Variants in NKAIN3 observed in about 807,000 individuals in gnomAD.
The protein encoded by NKAIN3 is sodium/potassium transporting ATPase interacting 3.
In NKAIN3, 25 loss-of-function variants were observed where a neutral mutation model predicts 30.2. The observed-to-expected ratio is 0.83, with a 90% CI of 0.60 to 1.16. NKAIN3 has a LOEUF of 1.16. Among genes scored for constraint, NKAIN3 ranks in the 50% most tolerant of loss-of-function variants. The probability of loss-of-function intolerance (pLI) is 0.00; values close to 1 mark genes in which losing one functional copy is unlikely to be tolerated. For synonymous variants in NKAIN3, 91 were observed against 89.6 expected, an observed-to-expected ratio of 1.02 and a Z score of -0.09; for missense variants, 225 against 254.1, an observed-to-expected ratio of 0.89 and a Z score of 0.78.
chr8:62,446,342 T>G (rs908166569), intron 1 of NKAIN3, among the ~76,000 whole-genome samples: 4 of 152,134 alleles, frequency 2.6e-5, no homozygotes, highest in African/African-American at 9.6e-5. Context: ...GACATATGGC[T>G]GGTTTTTTTT....
At chr8:62,586,127 G>A (rs1810464802) in intron 2 of NKAIN3, among the ~76,000 whole-genome samples, 1 of 152,040 alleles carries the variant, frequency 6.6e-6, no homozygotes. Context: ...TAGTTATCTG[G>A]ACTTTTATGC....
chr8:62,934,931 A>G (rs1256700815), intron 5 of NKAIN3, among the ~76,000 whole-genome samples: 1 of 152,134 alleles, frequency 6.6e-6, no homozygotes, highest in East Asian at 1.9e-4. Context: ...CTGCCCATGG[A>G]CTATTCAGCA....
At chr8:62,830,995 C>T (rs1268593465) in intron 4 of NKAIN3, among the ~76,000 whole-genome samples, 3 of 152,116 alleles carry the variant, frequency 2.0e-5, no homozygotes, top group Non-Finnish European at 2.9e-5. Flanking sequence ...CACGTATCAG[C>T]CCATTGCTTG....
At chr8:62,565,357 C>CGT (rs1486670715) in intron 1 of NKAIN3, among the ~76,000 whole-genome samples, 8 of 116,932 alleles carry the variant, frequency 6.8e-5, no homozygotes, top group East Asian at 4.7e-4. Flanking sequence ...CATGGGCATA[C>CGT]GTGTGTGCGT....
At chr8:62,606,921 C>T (rs1203731689) in intron 3 of NKAIN3, among the ~76,000 whole-genome samples, 1 of 152,100 alleles carries the variant, frequency 6.6e-6, no homozygotes, top group Non-Finnish European at 1.5e-5. Context: ...TAGTTATTTC[C>T]TACATACAAT....
intron 4 of NKAIN3, among the ~76,000 whole-genome samples, chr8:62,812,462 T>G (rs1267602472): frequency 6.6e-6 from 1 of 151,842 alleles, no homozygotes; most frequent in Non-Finnish European, 1.5e-5. Context: ...ATGGCATGTA[T>G]GTATGAACAT....
At chr8:62,428,845 G>A (rs1451655809) in intron 1 of NKAIN3, among the ~76,000 whole-genome samples, 1 of 151,600 alleles carries the variant, frequency 6.6e-6, no homozygotes, top group East Asian at 1.9e-4. Context: ...AATCTTGTTT[G>A]TCAACTTTTA....
chr8:62,676,622 T>TTA (rs1813485224), intron 3 of NKAIN3, among the ~76,000 whole-genome samples: 1 of 152,166 alleles, frequency 6.6e-6, no homozygotes, highest in Non-Finnish European at 1.5e-5. Context: ...TACCAAAGGT[T>TTA]TAAAAACTAA....
At chr8:62,670,673 A>G (rs2130385947) in intron 3 of NKAIN3, among the ~76,000 whole-genome samples, 1 of 152,220 alleles carries the variant, frequency 6.6e-6, no homozygotes, top group Non-Finnish European at 1.5e-5. Context: ...TGCTCACTAG[A>G]GAAGGTAAAA....
intron 1 of NKAIN3, among the ~76,000 whole-genome samples, chr8:62,521,953 G>T (rs1808173365): frequency 6.6e-6 from 1 of 152,096 alleles, no homozygotes; most frequent in African/African-American, 2.4e-5. Flanking sequence ...AGCTATCATT[G>T]TGTTAGTTGA....
At chr8:62,950,600 G>A (rs944164798) in intron 5 of NKAIN3, among the ~76,000 whole-genome samples, 2 of 151,972 alleles carry the variant, frequency 1.3e-5, no homozygotes, top group Non-Finnish European at 2.9e-5. Context: ...GATATGCAGA[G>A]AAGGTATAGC....
intron 4 of NKAIN3, among the ~76,000 whole-genome samples, chr8:62,764,764 T>A (rs1816779804): frequency 6.6e-6 from 1 of 152,220 alleles, no homozygotes; most frequent in Admixed American, 6.5e-5. Flanking sequence ...TGCTTGACAA[T>A]GTCATACAGG....
chr8:62,290,118 C>T (rs1211549673), intron 1 of NKAIN3, among the ~76,000 whole-genome samples: 4 of 152,088 alleles, frequency 2.6e-5, no homozygotes, highest in Non-Finnish European at 5.9e-5. Context: ...GCTGAAGTTG[C>T]TTATCAGCTT....
intron 1 of NKAIN3, among the ~76,000 whole-genome samples, chr8:62,541,158 GA>G (rs559897726): frequency 0.012 from 1,825 of 147,518 alleles, 33 homozygotes; most frequent in African/African-American, 0.043. Flanking sequence ...AAAAATACAA[GA>G]AAAAAAAAAT....
chr8:62,564,518 C>G (rs1457858623), intron 1 of NKAIN3, among the ~76,000 whole-genome samples: 3 of 152,188 alleles, frequency 2.0e-5, no homozygotes, highest in Non-Finnish European at 2.9e-5. Flanking sequence ...TCTTTAACCA[C>G]GTGCATCTTG....
intron 3 of NKAIN3, among the ~76,000 whole-genome samples, chr8:62,722,451 G>A (rs1355181078): frequency 6.6e-6 from 1 of 152,100 alleles, no homozygotes; most frequent in Non-Finnish European, 1.5e-5. Flanking sequence ...AAATTAAATA[G>A]GAATACTACA....
chr8:62,763,553 C>G (rs1412195204), intron 4 of NKAIN3, among the ~76,000 whole-genome samples: 1 of 152,034 alleles, frequency 6.6e-6, no homozygotes, highest in African/African-American at 2.4e-5. Flanking sequence ...TACTTAGTAA[C>G]AAAGATAATC....
At chr8:62,412,489 G>T (rs918004021) in intron 1 of NKAIN3, among the ~76,000 whole-genome samples, 2 of 151,974 alleles carry the variant, frequency 1.3e-5, no homozygotes, top group Admixed American at 6.6e-5. Flanking sequence ...AATTCCAGAA[G>T]AAAATCTTTA....
intron 3 of NKAIN3, among the ~76,000 whole-genome samples, chr8:62,695,913 T>A (rs1814139706): frequency 6.6e-6 from 1 of 152,168 alleles, no homozygotes; most frequent in Non-Finnish European, 1.5e-5. Context: ...TAAGGGAGTA[T>A]TTTCTGCACC....
Sources: gnomAD v4.1 joint callset for allele counts (sites outside exome capture counted in the v4.1 genomes callset) on GRCh38, gnomAD v4.1.1 for gene constraint, MANE v1.5 for transcripts, NCBI Gene and HGNC (gene_info 2026-07-23, HGNC 2026-07-21) for gene names.